The following SLC9C1 variants were observed in gnomAD, a reference collection of about 807,000 sequenced individuals.
SLC9C1 encodes sodium/hydrogen exchanger 10.
SLC9C1 carries 97 observed loss-of-function variants against 140.9 expected under a neutral mutation model. That is an observed-to-expected ratio of 0.69 (90% CI 0.58 to 0.82). The LOEUF (loss-of-function observed/expected upper bound fraction) is 0.82. Among genes scored for constraint, SLC9C1 ranks in the 40% least tolerant of loss-of-function variants. The pLI is 0.00. For synonymous variants in SLC9C1, 440 were observed against 442.6 expected, an observed-to-expected ratio of 0.99 and a Z score of 0.07; for missense variants, 1,340 against 1,389.3, an observed-to-expected ratio of 0.96 and a Z score of 0.56.
intron 13 of SLC9C1, among the ~76,000 whole-genome samples, chr3:112,229,662 C>G (rs1340068219): frequency 1.3e-5 from 2 of 151,422 alleles, no homozygotes; most frequent in Non-Finnish European, 2.9e-5. Context: ...GAATTAGTGG[C>G]AATAGGGGTG....
chr3:112,245,324 CATTGT>C (rs2079251761), intron 10 of SLC9C1, among the ~76,000 whole-genome samples: 1 of 151,880 alleles, frequency 6.6e-6, no homozygotes, highest in South Asian at 2.1e-4. Context: ...ATTGGGTTAC[CATTGT>C]ATTTTCTTCA....
intron 23 of SLC9C1, 68 bp from the exon 24 acceptor site, chr3:112,169,396 T>G: frequency 6.8e-7 from 1 of 1,467,594 alleles, no homozygotes; most frequent in Non-Finnish European, 9.2e-7. Flanking sequence ...AAAGTTTTTT[T>G]GTTTATGTAC....
intron 12 of SLC9C1, among the ~76,000 whole-genome samples, chr3:112,231,700 G>C: frequency 6.6e-6 from 1 of 152,144 alleles, no homozygotes; most frequent in East Asian, 1.9e-4. Context: ...GCGGGGAGGA[G>C]TTATATCATA....
At chr3:112,232,892 T>C (rs2078865715) in intron 12 of SLC9C1, among the ~76,000 whole-genome samples, 1 of 151,802 alleles carries the variant, frequency 6.6e-6, no homozygotes, top group South Asian at 2.1e-4. Context: ...TTCTATTTTA[T>C]ATTGAAAATA....
chr3:112,144,174 CTTTTT>C (rs138026716), intron 28 of SLC9C1, among the ~76,000 whole-genome samples: 1 of 72,174 alleles, frequency 1.4e-5, no homozygotes, highest in African/African-American at 5.3e-5. Flanking sequence ...GATGCCCTGG[CTTTTT>C]TTTTTTTTTT....
rs1476944031 is a variant in SLC9C1, at chr3:112,275,028, A to G, written c.485-3T>C. ...ACTGATGAGGCTTCTAGAAAGCCCT[A>G]CATATGTTGAGGGGGAAAGATGTTT... is the stretch of plus-strand genomic sequence containing the variant. On this transcript the variant is annotated splice_region_variant and splice_polypyrimidine_tract_variant and intron_variant, in intron 5 of 28. Coordinates refer to ENST00000305815, the MANE Select transcript of SLC9C1 (RefSeq NM_183061.3). The G allele has an allele frequency of 1.9e-6, 3 of 1,556,178 alleles. No individual in the cohort carries two copies. Among genetic ancestry groups the G allele is most frequent in the Non-Finnish European group, 2.6e-6 (3 of 1,162,136 alleles).
intron 20 of SLC9C1, chr3:112,186,073 G>T: frequency 9.0e-7 from 1 of 1,111,030 alleles, no homozygotes; most frequent in Non-Finnish European, 1.2e-6. Flanking sequence ...CAAATCTTTT[G>T]CCCATTAAAA....
intron 13 of SLC9C1, among the ~76,000 whole-genome samples, chr3:112,227,656 T>C (rs183434910): frequency 8.5e-5 from 13 of 152,242 alleles, no homozygotes; most frequent in Admixed American, 7.9e-4. Context: ...TAAAATCTTA[T>C]ATTTAGGAAA....
At chr3:112,215,526 T>C (rs975690691) in intron 15 of SLC9C1, among the ~76,000 whole-genome samples, 3 of 152,076 alleles carry the variant, frequency 2.0e-5, no homozygotes, top group African/African-American at 7.2e-5. Flanking sequence ...GGATAAAAAA[T>C]CAATGTACAA....
chr3:112,173,622 C>G lies in SLC9C1; in HGVS notation c.2920-4294G>C, dbSNP rs142077531. Among the ~76,000 whole-genome samples the G allele has an allele frequency of 5.1e-3, 772 of 152,308 alleles. 12 individuals are homozygous for G. Among genetic ancestry groups the G allele is most frequent in the African/African-American group, 0.017 (711 of 41,568 alleles). On this transcript the variant is annotated intron_variant, in intron 23 of 28. Coordinates refer to ENST00000305815, the MANE Select transcript of SLC9C1 (RefSeq NM_183061.3). ...GCAAAGGACATGATCTCATTCTTTT[C>G]TATGGCTGCATAGTATTCCATGGTG...
intron 23 of SLC9C1, among the ~76,000 whole-genome samples, chr3:112,178,518 C>T (rs1457100343): frequency 6.6e-6 from 1 of 152,006 alleles, no homozygotes; most frequent in Non-Finnish European, 1.5e-5. Context: ...CTGATTATTC[C>T]CTCTTGCTGT....
At chr3:112,197,474 A>C (rs2077796097) in intron 20 of SLC9C1, among the ~76,000 whole-genome samples, 1 of 152,094 alleles carries the variant, frequency 6.6e-6, no homozygotes, top group Admixed American at 6.6e-5. Flanking sequence ...TGCAAGTTGT[A>C]AGTTGCTCCA....
chr3:112,205,223 T>A (rs1467336750), intron 16 of SLC9C1, among the ~76,000 whole-genome samples: 1 of 151,968 alleles, frequency 6.6e-6, no homozygotes, highest in Non-Finnish European at 1.5e-5. Context: ...ACAAAATCAA[T>A]GTACAAAAAT....
chr3:112,277,861 C>T lies in SLC9C1; in HGVS notation c.319-1G>A, dbSNP rs1576509787. 6.3e-7 allele frequency: 1 copy of T among 1,589,558 alleles called. No individual in the cohort carries two copies. Among genetic ancestry groups the T allele is most frequent in the Non-Finnish European group, 8.5e-7 (1 of 1,171,818 alleles). ...AGCCGGGAATTGAAATTAAAAGTAT[C>T]TGCAAAGAAATTTTACAATTAGAAA... On this transcript the variant is annotated splice_acceptor_variant, in intron 4 of 28. Transcript: ENST00000305815. LOFTEE classifies it high-confidence loss of function.
In SLC9C1 at chr3:112,151,923, G is replaced by C. The variant is rs759569049; in HGVS notation, c.3458C>G (p.Pro1153Arg). The C allele has an allele frequency of 6.2e-7, 1 of 1,605,924 alleles. No individual in the cohort carries two copies. The highest frequency in any genetic ancestry group is 1.1e-5 in the South Asian group (1 of 89,390). ...HSAATARSPQ[P>R]CSLLGTKFNC... ...GAACTTTGTCCCCAGCAGGGAGCAA[G>C]GCTGGGGACTCCTGGCAGTGGCGGC... Residue 1153 changes from proline (P) to arginine (R), a missense_variant, in exon 28 of 29, where the codon CCT (proline) becomes CGT (arginine). Pro to Arg is a moderately radical substitution (Grantham distance 103). Transcript: ENST00000305815.
At chr3:112,210,381 T>C (rs2108072306) in intron 15 of SLC9C1, among the ~76,000 whole-genome samples, 1 of 152,328 alleles carries the variant, frequency 6.6e-6, no homozygotes, top group South Asian at 2.1e-4. Context: ...ACCCTTATGC[T>C]ACTAACACAT....
intron 6 of SLC9C1, among the ~76,000 whole-genome samples, chr3:112,273,449 C>T (rs930775109): frequency 3.9e-5 from 6 of 152,076 alleles, no homozygotes; most frequent in African/African-American, 1.4e-4. Context: ...TAAACTAACA[C>T]CATACAGAGA....
chr3:112,264,474 G>C, intron 8 of SLC9C1, 131 bp from the exon 9 acceptor site: 1 of 395,414 alleles, frequency 2.5e-6, no homozygotes, highest in African/African-American at 2.1e-5. Context: ...AAACAACTTT[G>C]ACTTGTAGCT....
chr3:112,175,106 A>G (rs2077311568), intron 23 of SLC9C1, among the ~76,000 whole-genome samples: 1 of 152,100 alleles, frequency 6.6e-6, no homozygotes. Context: ...AATAGCCCTG[A>G]CAAAGGGTGG....
Sources: gnomAD v4.1 joint callset for allele counts (sites outside exome capture counted in the v4.1 genomes callset) on GRCh38, gnomAD v4.1.1 for gene constraint, MANE v1.5 for transcripts, NCBI Gene and HGNC (gene_info 2026-07-23, HGNC 2026-07-21) for gene names.